SFMBT2: variants seen among roughly 807,000 people sequenced by gnomAD.
The protein encoded by SFMBT2 is Scm like with four mbt domains 2.
Under a neutral mutation model 110.1 loss-of-function variants are expected in SFMBT2, and 38 were observed. The observed-to-expected ratio is 0.35, with a 90% CI of 0.27 to 0.45. The LOEUF is 0.45. Ranked by LOEUF, SFMBT2 falls within the 20% of genes least tolerant of loss-of-function variation. SFMBT2 has a pLI of 1.00. For synonymous variants in SFMBT2, 425 were observed against 425.4 expected (o/e 1.00, Z 0.01); for missense variants, 1,011 against 1,094.9 (o/e 0.92, Z 1.08).
At chr10:7,235,027 A>T (rs187447948) in intron 9 of SFMBT2, among the ~76,000 whole-genome samples, 2 of 152,334 alleles carry the variant, frequency 1.3e-5, no homozygotes, top group East Asian at 3.9e-4. Flanking sequence ...TGAAGAAGAA[A>T]AAAGGAGATC....
chr10:7,263,894 A>G (rs757117263), intron 7 of SFMBT2, among the ~76,000 whole-genome samples: 1 of 152,192 alleles, frequency 6.6e-6, no homozygotes, highest in Non-Finnish European at 1.5e-5. Flanking sequence ...GCCACATTTA[A>G]TCTTCTCTCC....
chr10:7,193,987 C>G (rs1308127541), intron 15 of SFMBT2, among the ~76,000 whole-genome samples: 1 of 152,152 alleles, frequency 6.6e-6, no homozygotes, highest in Non-Finnish European at 1.5e-5. Context: ...AATGACCCTA[C>G]TGAGCATGGA....
intron 4 of SFMBT2, among the ~76,000 whole-genome samples, chr10:7,350,999 T>C (rs1367821005): frequency 6.6e-6 from 1 of 152,234 alleles, no homozygotes; most frequent in Non-Finnish European, 1.5e-5. Flanking sequence ...ATACCACTTT[T>C]CCCAGCTCCT....
At chr10:7,254,909 T>C (rs1343992076) in intron 7 of SFMBT2, among the ~76,000 whole-genome samples, 1 of 152,120 alleles carries the variant, frequency 6.6e-6, no homozygotes, top group Non-Finnish European at 1.5e-5. Context: ...CACTGAAATA[T>C]GATCTAAAAG....
chr10:7,237,942 G>A (rs770326375), intron 9 of SFMBT2, among the ~76,000 whole-genome samples: 1 of 152,176 alleles, frequency 6.6e-6, no homozygotes, highest in Non-Finnish European at 1.5e-5. Context: ...TCTGCACAGA[G>A]GGAACAGCAG....
rs145009935 is a variant in SFMBT2, at chr10:7,278,984, C to A, written c.773-1995G>T. 8.6e-3 allele frequency among the ~76,000 whole-genome samples: 1,303 copies of A among 151,934 alleles called. 10 individuals are homozygous for A. The highest frequency in any genetic ancestry group is 0.011 in the Non-Finnish European group (744 of 67,934). On this transcript the variant is annotated intron_variant, in intron 6 of 20. Transcript: ENST00000397167. Reference sequence around the variant, plus strand: ...GGTGCGGTGGCAGGCGTCTGTAATACCAGCTACTCGGGAGGCTGAGGCAGG... The same window carrying A: ...GGTGCGGTGGCAGGCGTCTGTAATAACAGCTACTCGGGAGGCTGAGGCAGG...
At position 7,213,960 on chromosome 10, in the gene SFMBT2, AAAG is replaced by A. The variant is rs1839444675; in HGVS notation, c.1330+6448_1330+6450del. ...CCTCTACATCTGAGAAAAGCAGGGC[AAAG>A]AAGAGGCCAAGAAAAGTCATCTGGG... is the stretch of plus-strand genomic sequence containing the variant. On this transcript the variant is annotated intron_variant, in intron 11 of 20. Transcript: ENST00000397167. Among the ~76,000 whole-genome samples the A allele has an allele frequency of 3.9e-5, 6 of 152,134 alleles. No individual in the cohort carries two copies. In the South Asian group the frequency reaches 1.2e-3, roughly 32 times the overall value.
intron 4 of SFMBT2, among the ~76,000 whole-genome samples, chr10:7,342,687 A>G (rs111239868): frequency 2.7e-3 from 406 of 151,870 alleles, no homozygotes; most frequent in Admixed American, 6.0e-3. Context: ...GTGAGCCACC[A>G]CGCCCGGCCT....
At chr10:7,204,481 A>G in intron 12 of SFMBT2, 6 of 981,660 alleles carry the variant, frequency 6.1e-6, no homozygotes, top group Non-Finnish European at 4.8e-6. Flanking sequence ...TTTAAATAAC[A>G]CTTCTGATAT....
intron 4 of SFMBT2, among the ~76,000 whole-genome samples, chr10:7,338,231 A>G (rs1336614640): frequency 6.6e-6 from 1 of 152,216 alleles, no homozygotes. Context: ...CCCTAAGAGA[A>G]TCACTTCTGC....
chr10:7,219,445 C>G (rs78861587), intron 11 of SFMBT2, among the ~76,000 whole-genome samples: 2,460 of 152,314 alleles, frequency 0.016, 33 homozygotes, highest in Admixed American at 0.021. Flanking sequence ...ATTTCCCAAT[C>G]CCCTGGACTA....
intron 13 of SFMBT2, 76 bp from the exon 14 acceptor site, chr10:7,200,560 A>T: frequency 8.2e-7 from 1 of 1,220,262 alleles, no homozygotes; most frequent in Non-Finnish European, 1.1e-6. Flanking sequence ...GTCTTACCAT[A>T]ATTTAAAAGG....
At chr10:7,228,380 A>G in intron 9 of SFMBT2, 1 of 829,364 alleles carries the variant, frequency 1.2e-6, no homozygotes, top group Non-Finnish European at 1.4e-6. Flanking sequence ...AAAAATTAAA[A>G]AAAAAAAAAA....
intron 7 of SFMBT2, 67 bp from the exon 8 acceptor site, chr10:7,248,716 T>C (rs1840702953): frequency 1.3e-5 from 19 of 1,434,300 alleles, no homozygotes; most frequent in Non-Finnish European, 1.8e-5. Context: ...ACTGTCCGGA[T>C]GCGCTCCTGG....
At chr10:7,228,968 C>A (rs1475138101) in intron 9 of SFMBT2, among the ~76,000 whole-genome samples, 1 of 151,952 alleles carries the variant, frequency 6.6e-6, no homozygotes, top group Non-Finnish European at 1.5e-5. Context: ...CTCATCGGCA[C>A]AAAATCAAAC....
At chr10:7,179,669 T>C (rs1249318071) in intron 16 of SFMBT2, among the ~76,000 whole-genome samples, 1 of 152,186 alleles carries the variant, frequency 6.6e-6, no homozygotes, top group Non-Finnish European at 1.5e-5. Flanking sequence ...GAGGACAAAC[T>C]GCAGAACAAG....
chr10:7,176,031 T>A lies in SFMBT2; in HGVS notation c.1943A>T (p.Asn648Ile), dbSNP rs190067945. The change falls in exon 17 of 21, where the codon AAC (asparagine) becomes ATC (isoleucine). Residue 648 changes from asparagine to isoleucine, a missense_variant. By Grantham distance (149) the Asn-to-Ile change is moderately radical (BLOSUM62 -3). Around this residue, in one of 2 missense-constraint regions of SFMBT2, gnomAD observed 979 missense variants for 1,016.1 expected, o/e 0.96. Transcript: ENST00000397167. ...ATGAATGGAGCAGTTCTCTGGGCAG[T>A]TTTCAGATATCAGCACAGGACTAAA... The part of the protein sequence containing the change: ...NLFSPVLISE[N>I]CPENCSIHTK... The A allele has an allele frequency of 6.2e-7, 1 of 1,614,192 alleles. No homozygotes were observed. Among genetic ancestry groups the A allele is most frequent in the African/African-American group, 1.3e-5 (1 of 75,064 alleles).
intron 7 of SFMBT2, among the ~76,000 whole-genome samples, chr10:7,254,503 G>A (rs971595218): frequency 1.3e-5 from 2 of 152,128 alleles, no homozygotes; most frequent in African/African-American, 4.8e-5. Context: ...TTTGGAAGAC[G>A]AAAATCATGT....
At chr10:7,233,993 C>A (rs944817249) in intron 9 of SFMBT2, among the ~76,000 whole-genome samples, 58 of 152,214 alleles carry the variant, frequency 3.8e-4, no homozygotes, top group African/African-American at 1.4e-3. Flanking sequence ...GGCTTACAGG[C>A]AGGACAGCAA....
Sources: gnomAD v4.1 joint callset for allele counts (sites outside exome capture counted in the v4.1 genomes callset) on GRCh38, gnomAD v4.1.1 for gene constraint, gnomAD v4.1.1 regional missense constraint, MANE v1.5 for transcripts, NCBI Gene and HGNC (gene_info 2026-07-23, HGNC 2026-07-21) for gene names.